WDR62: variants seen among roughly 807,000 people sequenced by gnomAD.
WDR62 encodes the protein WD repeat-containing protein 62.
In WDR62, 112 loss-of-function variants were observed where a neutral mutation model predicts 160.6. The observed-to-expected ratio is 0.70, with a 90% CI of 0.60 to 0.82. The LOEUF (loss-of-function observed/expected upper bound fraction) is 0.82, where lower values mean the gene tolerates loss of function less well. Among genes scored for constraint, WDR62 ranks in the 40% least tolerant of loss-of-function variants. WDR62 has a pLI of 0.00. For synonymous variants in WDR62, 792 were observed against 815.1 expected (o/e 0.97, Z 0.48); for missense variants, 1,819 against 1,983.8 (o/e 0.92, Z 1.58).
chr19:36,077,651 C>T (rs1030707924), intron 9 of WDR62, among the ~76,000 whole-genome samples: 2 of 150,662 alleles, frequency 1.3e-5, no homozygotes, highest in African/African-American at 2.4e-5. Flanking sequence ...GACTGGAATA[C>T]AGAGGCACAA....
intron 10 of WDR62, among the ~76,000 whole-genome samples, chr19:36,082,735 T>C (rs762893750): frequency 2.0e-5 from 3 of 152,234 alleles, no homozygotes; most frequent in Non-Finnish European, 4.4e-5. Flanking sequence ...TCCAGCTCTC[T>C]ACTCTGTCAT....
At chr19:36,059,143 C>G (rs754263073) in intron 2 of WDR62, 29 of 597,344 alleles carry the variant, frequency 4.9e-5, no homozygotes, top group Admixed American at 2.2e-4. Flanking sequence ...AAAGTCCACG[C>G]TGTGGTGTCA....
At position 36,089,300 on chromosome 19, in the gene WDR62, A is replaced by G. The variant is rs751177188; in HGVS notation, c.1952A>G (p.Asn651Ser). The change falls in exon 15 of 32, where the codon AAT (asparagine) becomes AGT (serine). Residue 651 changes from asparagine (N) to serine (S), a missense_variant. Physicochemically the swap from Asn to Ser is conservative, Grantham distance 46. This residue lies in a region of WDR62 where 934 missense variants were observed against 1,157.2 expected (regional missense o/e 0.81). Coordinates refer to ENST00000401500, the MANE Select transcript of WDR62 (RefSeq NM_001083961.2). ...GTGGCCGTGGCCTGCCAGGACCGCA[A>G]TGTGAGGTAAGGGGTGGCCCTGGAC... Reference protein sequence around the residue: ...KYVAVACQDRNVRVYNTVNGK... With the variant: ...KYVAVACQDRSVRVYNTVNGK... 3.5e-5 allele frequency: 56 copies of G among 1,614,064 alleles called. No homozygotes were observed. The Admixed American group carries it at 5.0e-4, about 14-fold the overall frequency.
Position 36,094,131 on chromosome 19 carries a change from C to G in WDR62, c.2434C>G (p.Leu812Val), listed in dbSNP as rs1972807399. 1.9e-6 allele frequency: 3 copies of G among 1,614,006 alleles called. No individual in the cohort carries two copies. The East Asian group carries it at 6.7e-5, about 36-fold the overall frequency. Residue 812 changes from leucine to valine, a missense_variant, in exon 20 of 32, where the codon CTG (leucine) becomes GTG (valine). Leu to Val is a conservative substitution (Grantham distance 32, BLOSUM62 1). Around this residue, in one of 3 missense-constraint regions of WDR62, gnomAD observed 934 missense variants for 1,157.2 expected, o/e 0.81. Transcript: ENST00000401500. The stretch of plus-strand genomic sequence containing the variant: ...GGAAGAGTGTGAGCCAGAAGAGATG[C>G]TGAAGACACCATCCAAAGATAGCTT... Reference protein sequence around the residue: ...LEEECEPEEMLKTPSKDSLDP... With the variant: ...LEEECEPEEMVKTPSKDSLDP...
downstream of WDR62, among the ~76,000 whole-genome samples, chr19:36,105,597 G>T (rs1351737260): frequency 6.6e-6 from 1 of 152,106 alleles, no homozygotes; most frequent in South Asian, 2.1e-4. Context: ...CTATAATCCC[G>T]GCTACTCAGG....
intron 3 of WDR62, among the ~76,000 whole-genome samples, chr19:36,065,668 A>G (rs1970895433): frequency 6.6e-6 from 1 of 152,178 alleles, no homozygotes; most frequent in Non-Finnish European, 1.5e-5. Flanking sequence ...GTCTTAGGAT[A>G]CCCACTGCGG....
At chr19:36,078,612 A>G (rs1445506363) in intron 9 of WDR62, among the ~76,000 whole-genome samples, 1 of 151,812 alleles carries the variant, frequency 6.6e-6, no homozygotes, top group African/African-American at 2.4e-5. Context: ...AGGCAGGTGG[A>G]TCACCTGAGG....
chr19:36,094,226 C>T (rs1040004016), intron 20 of WDR62, 62 bp downstream of exon 20: 38 of 1,605,954 alleles, frequency 2.4e-5, no homozygotes, highest in Non-Finnish European at 3.0e-5. Flanking sequence ...GGGTTTTGCC[C>T]ATGACCTTGT....
At chr19:36,086,624 C>G in intron 12 of WDR62, 63 bp from the exon 13 acceptor site, 1 of 1,554,004 alleles carries the variant, frequency 6.4e-7, no homozygotes, top group Non-Finnish European at 8.7e-7. Context: ...TCACACTGCC[C>G]TTCTGGGAGG....
At chr19:36,100,613 TG>T in intron 22 of WDR62, 134 bp from the exon 23 acceptor site, 2 of 1,321,604 alleles carry the variant, frequency 1.5e-6, no homozygotes, top group Non-Finnish European at 2.1e-6. Flanking sequence ...CAGGACAAGC[TG>T]GTTGCGAGTG....
chr19:36,069,197 G>A (rs1413095256), intron 7 of WDR62, among the ~76,000 whole-genome samples: 1 of 151,386 alleles, frequency 6.6e-6, no homozygotes, highest in South Asian at 2.1e-4. Context: ...TCCGGGACGG[G>A]GCGGCTGCTG....
chr19:36,073,613 T>G, intron 9 of WDR62, 82 bp downstream of exon 9: 2 of 1,151,782 alleles, frequency 1.7e-6, no homozygotes, highest in Non-Finnish European at 2.5e-6. Flanking sequence ...AGTAATTCCT[T>G]CAGAAGATAC....
chr19:36,066,535 C>T (rs1970952428), intron 5 of WDR62, 108 bp downstream of exon 5: 1 of 1,263,248 alleles, frequency 7.9e-7, no homozygotes, highest in African/African-American at 1.5e-5. Flanking sequence ...GCTCACTCAC[C>T]CAACAGATAA....
At chr19:36,060,192 G>A (rs1305107437) in intron 3 of WDR62, 162 bp downstream of exon 3, 2 of 732,106 alleles carry the variant, frequency 2.7e-6, no homozygotes, top group East Asian at 5.1e-5. Context: ...CGTGTGCTGG[G>A]GACACAGCAG....
rs538582160 is a variant in WDR62 at position 36,088,302 on chromosome 19, G to C, written c.1769-736G>C. On this transcript the variant is annotated intron_variant, in intron 13 of 31. Coordinates refer to ENST00000401500, the MANE Select transcript of WDR62 (RefSeq NM_001083961.2). ...GCCTGGGCAACAAGAGCGAAACTCTGTCTCAAAAAAAAAGAAATGAGAATA... is the reference window on the plus strand; with the variant it reads ...GCCTGGGCAACAAGAGCGAAACTCTCTCTCAAAAAAAAAGAAATGAGAATA... 2.0e-5 allele frequency among the ~76,000 whole-genome samples: 3 copies of C among 152,116 alleles called. No individual in the cohort carries two copies. In the East Asian group the frequency reaches 5.8e-4, roughly 29 times the overall value.
At chr19:36,058,407 G>A (rs1013515195) in intron 1 of WDR62, among the ~76,000 whole-genome samples, 3 of 152,258 alleles carry the variant, frequency 2.0e-5, no homozygotes, top group African/African-American at 4.8e-5. Flanking sequence ...TTCTCACCGC[G>A]GCATTCGCCC....
At chr19:36,081,770 C>G (rs985954340) in intron 10 of WDR62, 200 bp downstream of exon 10, 5 of 722,308 alleles carry the variant, frequency 6.9e-6, no homozygotes, top group African/African-American at 1.7e-5. Flanking sequence ...GTGGCACGCT[C>G]TATCCTCTCT....
At chr19:36,100,212 G>T (rs549573798) in intron 22 of WDR62, among the ~76,000 whole-genome samples, 1 of 152,312 alleles carries the variant, frequency 6.6e-6, no homozygotes, top group South Asian at 2.1e-4. Context: ...GCTCTTAGAG[G>T]TGCCCGTGCA....
At chr19:36,097,866 C>T (rs748916421) in intron 21 of WDR62, among the ~76,000 whole-genome samples, 3 of 151,918 alleles carry the variant, frequency 2.0e-5, no homozygotes, top group East Asian at 1.9e-4. Context: ...AGCAACAGAG[C>T]CAACACTTTG....
Sources: gnomAD v4.1 joint callset for allele counts (sites outside exome capture counted in the v4.1 genomes callset) on GRCh38, gnomAD v4.1.1 for gene constraint, gnomAD v4.1.1 regional missense constraint, MANE v1.5 for transcripts, NCBI Gene and HGNC (gene_info 2026-07-23, HGNC 2026-07-21) for gene names.